The following DOCK9 variants were observed in gnomAD, a reference collection of about 807,000 sequenced individuals.
DOCK9 encodes dedicator of cytokinesis protein 9.
A neutral mutation model predicts 263.3 loss-of-function variants in DOCK9; 89 were observed. That is an observed-to-expected ratio of 0.34 (90% confidence interval 0.28 to 0.40). DOCK9 has a LOEUF of 0.40. DOCK9 is among the 10% of genes least tolerant of loss of function. The pLI is 1.00. For synonymous variants in DOCK9, 976 were observed against 973.1 expected (o/e 1.00, Z -0.06); for missense variants, 2,140 against 2,603.4 (o/e 0.82, Z 3.87).
chr13:98,936,412 G>C (rs2054834604), intron 2 of DOCK9, among the ~76,000 whole-genome samples: 1 of 152,042 alleles, frequency 6.6e-6, no homozygotes, highest in African/African-American at 2.4e-5. Flanking sequence ...TTGAGACCAG[G>C]AGTTCGAGAC....
At chr13:98,952,417 G>C (rs1248142246) in intron 2 of DOCK9, among the ~76,000 whole-genome samples, 1 of 150,752 alleles carries the variant, frequency 6.6e-6, no homozygotes, top group African/African-American at 2.4e-5. Context: ...TGTATTTTCT[G>C]GTAGAGATGG....
intron 1 of DOCK9, among the ~76,000 whole-genome samples, chr13:99,076,409 G>T (rs2041912514): frequency 7.2e-6 from 1 of 138,468 alleles, no homozygotes; most frequent in South Asian, 2.4e-4. Flanking sequence ...TATACATTTT[G>T]TACAAGATGT....
chr13:98,853,552 T>C, intron 34 of DOCK9, 30 bp from the exon 35 acceptor site: 4 of 1,491,016 alleles, frequency 2.7e-6, no homozygotes, highest in Non-Finnish European at 3.7e-6. Flanking sequence ...GATTTTTCTA[T>C]TTAATTACGG....
intron 1 of DOCK9, among the ~76,000 whole-genome samples, chr13:98,998,882 T>C (rs1467165474): frequency 1.3e-5 from 2 of 152,180 alleles, no homozygotes; most frequent in African/African-American, 2.4e-5. Flanking sequence ...TTTGGGCTAC[T>C]GTCAAAATTA....
At chr13:98,910,711 T>C (rs2049865235) in intron 9 of DOCK9, among the ~76,000 whole-genome samples, 1 of 152,188 alleles carries the variant, frequency 6.6e-6, no homozygotes, top group South Asian at 2.1e-4. Context: ...AGCCACCTTC[T>C]GCCTGCCCTC....
At chr13:98,859,520 A>C (rs2093795047) in intron 33 of DOCK9, 1 of 152,134 alleles carries the variant, frequency 6.6e-6, no homozygotes, top group East Asian at 1.9e-4. Flanking sequence ...GCAAAGGTAA[A>C]GACATAATCT....
At chr13:99,000,531 T>A (rs964020272) in intron 1 of DOCK9, among the ~76,000 whole-genome samples, 3 of 152,008 alleles carry the variant, frequency 2.0e-5, no homozygotes, top group African/African-American at 7.2e-5. Flanking sequence ...CCCTCCACAG[T>A]TAAACATTTG....
Position 98,877,916 on chromosome 13 carries a change from A to C in DOCK9, c.2943+1982T>G, listed in dbSNP as rs190146354. On this transcript the variant is annotated intron_variant, in intron 27 of 52. Coordinates refer to ENST00000682017, the MANE Select transcript of DOCK9 (RefSeq NM_001366683.2). ...CGTTTATTTAGAGCCAAAAATAATA[A>C]AAAATCCACTGGCGCCTCGTCATGG... 1.5e-3 allele frequency among the ~76,000 whole-genome samples: 233 copies of C among 152,340 alleles called. 2 individuals are homozygous for C. The highest frequency in any genetic ancestry group is 5.3e-3 in the African/African-American group (219 of 41,582).
At chr13:98,872,433 G>T (rs2094212388) in intron 27 of DOCK9, among the ~76,000 whole-genome samples, 1 of 151,730 alleles carries the variant, frequency 6.6e-6, no homozygotes, top group Non-Finnish European at 1.5e-5. Flanking sequence ...TTGAGACAAG[G>T]TCTCACTCTG....
chr13:98,833,273 T>C (rs990620227), intron 39 of DOCK9, among the ~76,000 whole-genome samples: 5 of 152,152 alleles, frequency 3.3e-5, no homozygotes, highest in African/African-American at 4.8e-5. Context: ...TGAATGCCAT[T>C]TTCTCAGGAG....
chr13:98,804,963 C>T, intron 49 of DOCK9, 36 bp downstream of exon 49: 1 of 1,560,938 alleles, frequency 6.4e-7, no homozygotes, highest in Non-Finnish European at 8.7e-7. Flanking sequence ...GGCGAGGTGT[C>T]CGGGCTCGTG....
intron 1 of DOCK9, among the ~76,000 whole-genome samples, chr13:99,061,272 G>C (rs1041958385): frequency 3.9e-5 from 6 of 152,084 alleles, no homozygotes; most frequent in African/African-American, 7.2e-5. Flanking sequence ...AGGATGTCAA[G>C]GACTGCTGTA....
intron 1 of DOCK9, among the ~76,000 whole-genome samples, chr13:99,080,330 C>G (rs1406864592): frequency 6.6e-6 from 1 of 152,146 alleles, no homozygotes; most frequent in Non-Finnish European, 1.5e-5. Context: ...TTGGGCCTGC[C>G]TGACAGAAAA....
intron 3 of DOCK9, among the ~76,000 whole-genome samples, chr13:98,927,474 A>G (rs1028910): frequency 0.63 from 96,229 of 151,910 alleles, 31,195 homozygotes; most frequent in Middle Eastern, 0.77. Context: ...AACAAGCTCT[A>G]GAACTGAAAT....
At position 98,856,015 on chromosome 13, in the gene DOCK9, G is replaced by C; in HGVS notation, c.3714C>G (p.Thr1238=). ...AISGIASPYT[T]STPNINSVRN... is the part of the protein sequence containing the mutation. ...TCACACTGTTGATGTTTGGAGTTGA[G>C]GTTGTATATGGAGAAGCTAAATGGA... Residue 1238 remains threonine (T), a synonymous_variant, in exon 34 of 53, where the codon ACC becomes ACG. Coordinates refer to ENST00000682017, the MANE Select transcript of DOCK9 (RefSeq NM_001366683.2). The C allele has an allele frequency of 6.2e-7, 1 of 1,613,876 alleles. No individual in the cohort carries two copies.
intron 1 of DOCK9, among the ~76,000 whole-genome samples, chr13:98,987,656 G>C (rs1878779849): frequency 6.6e-6 from 1 of 152,062 alleles, no homozygotes; most frequent in South Asian, 2.1e-4. Flanking sequence ...AACATTTAAG[G>C]GACCCCTGCA....
At chr13:98,979,230 A>AGTAGTAGTAGCG (rs1469428296), upstream of DOCK9, among the ~76,000 whole-genome samples, 1 of 116,102 alleles carries the variant, frequency 8.6e-6, no homozygotes, top group Admixed American at 8.6e-5. Flanking sequence ...TAGTAGTAGT[A>AGTAGTAGTAGCG]GCAGCAGCGG....
At chr13:99,012,048 C>T (rs995443298) in intron 1 of DOCK9, among the ~76,000 whole-genome samples, 11 of 152,098 alleles carry the variant, frequency 7.2e-5, no homozygotes, top group African/African-American at 1.9e-4. Context: ...GTCTCGAACT[C>T]CTGGCTGTCC....
In DOCK9 at chr13:98,826,816, G is replaced by C; in HGVS notation, c.5023+14C>G. 6.3e-7 allele frequency: 1 copy of C among 1,597,412 alleles called. No individual in the cohort carries two copies. The highest frequency in any genetic ancestry group is 8.5e-7 in the Non-Finnish European group (1 of 1,170,194). On this transcript the variant is annotated intron_variant, in intron 44 of 52. Coordinates refer to ENST00000682017, the MANE Select transcript of DOCK9 (RefSeq NM_001366683.2). ...TACTAATTAATTTCACAAAACATGA[G>C]AATAATTCCTTACCTTTCCGTGTGA...
Sources: gnomAD v4.1 joint callset for allele counts (sites outside exome capture counted in the v4.1 genomes callset) on GRCh38, gnomAD v4.1.1 for gene constraint, MANE v1.5 for transcripts, NCBI Gene and HGNC (gene_info 2026-07-23, HGNC 2026-07-21) for gene names.